ANXA1: variants seen among roughly 807,000 people sequenced by gnomAD.
ANXA1 encodes annexin I (lipocortin I).
ANXA1 carries 39 observed loss-of-function variants against 47.9 expected under a neutral mutation model. The observed-to-expected ratio is 0.81, with a 90% CI of 0.63 to 1.06. The LOEUF (loss-of-function observed/expected upper bound fraction) is 1.06, where lower values mean the gene tolerates loss of function less well. Ranked by LOEUF, ANXA1 falls within the 50% of genes least tolerant of loss-of-function variation. The pLI, the probability that ANXA1 is intolerant of heterozygous loss-of-function variation, is 0.00. For missense variants in ANXA1, 446 were observed against 422.7 expected (o/e 1.06, Z -0.48); for synonymous variants, 146 against 142.5 (o/e 1.02, Z -0.17).
At chr9:73,161,631 G>A (rs1318455160) in intron 6 of ANXA1, among the ~76,000 whole-genome samples, 1 of 151,798 alleles carries the variant, frequency 6.6e-6, no homozygotes, top group African/African-American at 2.4e-5. Flanking sequence ...TACCAAGCAT[G>A]GAGAATACAA....
At chr9:73,164,230 C>T (rs1824190170) in intron 8 of ANXA1, among the ~76,000 whole-genome samples, 1 of 152,100 alleles carries the variant, frequency 6.6e-6, no homozygotes, top group Non-Finnish European at 1.5e-5. Flanking sequence ...CACCCCCATC[C>T]ACTTCTGCTA....
intron 1 of ANXA1, chr9:73,154,320 G>A: frequency 7.3e-7 from 1 of 1,366,266 alleles, no homozygotes; most frequent in Non-Finnish European, 9.8e-7. Flanking sequence ...CAAGTTGACT[G>A]TTAATGAATT....
At chr9:73,156,554 A>G (rs1178197548) in intron 1 of ANXA1, among the ~76,000 whole-genome samples, 2 of 152,228 alleles carry the variant, frequency 1.3e-5, no homozygotes, top group Non-Finnish European at 2.9e-5. Flanking sequence ...CAGAATAGTA[A>G]TAAGAGCAAT....
chr9:73,159,381 G>A lies in ANXA1; in HGVS notation c.228G>A (p.Gln76=). The change falls in exon 4 of 13, where the codon CAG becomes CAA. Residue 76 remains glutamine, a synonymous_variant. Transcript: ENST00000257497. The part of the protein sequence containing the change: ...IDILTKRNNA[Q]RQQIKAAYLQ... ...TTCTAACTAAGCGAAACAATGCACA[G>A]CGTCAACAGATCAAAGCAGCATATC... 6.2e-7 allele frequency: 1 copy of A among 1,613,346 alleles called. No homozygotes were observed.
chr9:73,153,045 A>T (rs1000594415), intron 1 of ANXA1, among the ~76,000 whole-genome samples: 1 of 152,190 alleles, frequency 6.6e-6, no homozygotes, highest in Non-Finnish European at 1.5e-5. Context: ...CACATTGCAA[A>T]TGACTCAAAT....
rs1827543928 is a variant in ANXA1, at chr9:73,162,805, G to T, written c.499G>T (p.Asp167Tyr). The T allele has an allele frequency of 1.2e-6, 2 of 1,612,996 alleles. No individual in the cohort carries two copies. Among genetic ancestry groups the T allele is most frequent in the Admixed American group, 1.7e-5 (1 of 59,858 alleles). ...AGAACTGAAGAGAGATCTGGCCAAA[G>T]ACATAACCTCAGACACATCTGGAGA... ...REELKRDLAKDITSDTSGDFR... is the reference protein window; with the variant it reads ...REELKRDLAKYITSDTSGDFR... The change falls in exon 7 of 13, where the codon GAC (aspartate) becomes TAC (tyrosine). Residue 167 changes from aspartate to tyrosine, a missense_variant. Transcript: ENST00000257497.
At position 73,165,184 on chromosome 9, in the gene ANXA1, C is replaced by A. The variant is rs770030815; in HGVS notation, c.681C>A (p.Thr227=). 2.7e-5 allele frequency: 43 copies of A among 1,612,574 alleles called. No individual in the cohort carries two copies. The highest frequency in any genetic ancestry group is 3.4e-5 in the Non-Finnish European group (40 of 1,179,022). The change falls in exon 9 of 13, where the codon ACC becomes ACA. Residue 227 remains threonine (T), a synonymous_variant. Transcript: ENST00000257497. Reference sequence around the variant, plus strand: ...ACGTGTTCAATACCATCCTTACCACCAGAAGCTATCCACAACTTCGCAGAG... The same window carrying A: ...ACGTGTTCAATACCATCCTTACCACAAGAAGCTATCCACAACTTCGCAGAG... ...DVNVFNTILT[T]RSYPQLRRVF... is the part of the protein sequence containing the mutation.
At chr9:73,162,342 C>A (rs1483604436) in intron 6 of ANXA1, among the ~76,000 whole-genome samples, 1 of 152,182 alleles carries the variant, frequency 6.6e-6, no homozygotes, top group Non-Finnish European at 1.5e-5. Context: ...CATAAATCAT[C>A]AAACTGCATT....
Position 73,158,591 on chromosome 9 carries a change from A to G in ANXA1, c.56A>G (p.Gln19Arg), listed in dbSNP as rs1824086436. The change falls in exon 2 of 13, where the codon CAG becomes CGG. Residue 19 changes from glutamine (Q) to arginine (R), a missense_variant. Physicochemically the swap from Gln to Arg is conservative, Grantham distance 43. Coordinates refer to ENST00000257497, the MANE Select transcript of ANXA1 (RefSeq NM_000700.3). ...GCCTGGTTTATTGAAAATGAAGAGC[A>G]GGAATATGTTGTAAGTAGAGTGATA... ...KQAWFIENEE[Q>R]EYVQTVKSSK... 6.2e-7 allele frequency: 1 copy of G among 1,613,528 alleles called. No individual in the cohort carries two copies. The highest frequency in any genetic ancestry group is 1.7e-5 in the Admixed American group (1 of 59,966).
chr9:73,160,949 A>C (rs1046032592), intron 6 of ANXA1, 56 bp downstream of exon 6: 34 of 1,201,540 alleles, frequency 2.8e-5, no homozygotes, highest in Non-Finnish European at 3.9e-5. Context: ...AATCTAATAT[A>C]CTTTCTTAAA....
intron 1 of ANXA1, among the ~76,000 whole-genome samples, chr9:73,152,934 G>A (rs1823994374): frequency 6.6e-6 from 1 of 152,106 alleles, no homozygotes; most frequent in Non-Finnish European, 1.5e-5. Flanking sequence ...AACAAGGATG[G>A]AATTTTTCTT....
chr9:73,153,891 A>C (rs1014584462), intron 1 of ANXA1, among the ~76,000 whole-genome samples: 4 of 152,180 alleles, frequency 2.6e-5, no homozygotes, highest in Admixed American at 2.0e-4. Context: ...GTGATAATAC[A>C]GAAAGGTGGG....
chr9:73,164,498 T>C (rs1260220376), intron 8 of ANXA1, among the ~76,000 whole-genome samples: 1 of 152,164 alleles, frequency 6.6e-6, no homozygotes, highest in East Asian at 1.9e-4. Flanking sequence ...GGGTTCTTAA[T>C]ATATATTTAT....
chr9:73,165,545 A>ACC (rs1824214519), intron 9 of ANXA1: 1 of 169,236 alleles, frequency 5.9e-6, no homozygotes, highest in African/African-American at 2.4e-5. Context: ...AAAAAAAAAA[A>ACC]CAAAAAACCC....
chr9:73,159,144 T>A (rs1383117360), intron 3 of ANXA1, among the ~76,000 whole-genome samples, 185 bp from the exon 4 acceptor site: 1 of 152,244 alleles, frequency 6.6e-6, no homozygotes, highest in Non-Finnish European at 1.5e-5. Context: ...CTCACTCGAA[T>A]GAAATGTCAT....
intron 4 of ANXA1, chr9:73,159,697 G>C: frequency 3.8e-6 from 1 of 265,238 alleles, no homozygotes; most frequent in Non-Finnish European, 7.3e-6. Context: ...CGAGATTGCT[G>C]CTGTCAATAA....
chr9:73,169,980 T>C (rs1160626012), intron 12 of ANXA1, 71 bp from the exon 13 acceptor site: 6 of 1,160,680 alleles, frequency 5.2e-6, no homozygotes, highest in Admixed American at 4.6e-5. Context: ...AAATAATTCT[T>C]CTATAAGTAA....
At chr9:73,168,913 ATAGC>A in intron 11 of ANXA1, 115 bp from the exon 12 acceptor site, 1 of 391,908 alleles carries the variant, frequency 2.6e-6, no homozygotes, top group Non-Finnish European at 4.3e-6. Flanking sequence ...GTGTGTGTGT[ATAGC>A]TAGTTTCTCT....
chr9:73,158,027 C>T (rs1357540233), intron 1 of ANXA1: 1 of 152,728 alleles, frequency 6.5e-6, no homozygotes, highest in Non-Finnish European at 1.5e-5. Context: ...AATCTTGACT[C>T]ATTTCAAGAG....
Sources: allele counts gnomAD v4.1 joint callset (sites outside exome capture counted in the v4.1 genomes callset), GRCh38; gene constraint gnomAD v4.1.1; transcripts MANE v1.5; gene names NCBI Gene and HGNC (gene_info 2026-07-23, HGNC 2026-07-21).